NAALADL2: variants seen among roughly 807,000 people sequenced by gnomAD.
NAALADL2 encodes the protein N-acetylated alpha-linked acidic dipeptidase like 2, also known as inactive N-acetylated-alpha-linked acidic dipeptidase-like protein 2.
NAALADL2 carries 76 observed loss-of-function variants against 87.2 expected under a neutral mutation model. The ratio of observed to expected loss-of-function variants is 0.87; its 90% CI spans 0.72 to 1.05. NAALADL2 has a LOEUF of 1.05. Ranked by LOEUF, NAALADL2 falls within the 50% of genes least tolerant of loss-of-function variation. The pLI is 0.00. For synonymous variants in NAALADL2, 354 were observed against 331.0 expected (o/e 1.07, Z -0.75); for missense variants, 1,089 against 945.8 (o/e 1.15, Z -1.99).
intron 10 of NAALADL2, among the ~76,000 whole-genome samples, chr3:175,591,761 G>A (rs555765112): frequency 6.3e-5 from 9 of 141,802 alleles, no homozygotes; most frequent in South Asian, 2.3e-4. Context: ...TTATATATGC[G>A]CATGTGGTGT....
At chr3:174,874,052 G>A (rs1728181635) in intron 1 of NAALADL2, among the ~76,000 whole-genome samples, 2 of 151,966 alleles carry the variant, frequency 1.3e-5, no homozygotes, top group South Asian at 2.1e-4. Context: ...GTTTTTCCTG[G>A]GCTGGCATAA....
intron 1 of NAALADL2, among the ~76,000 whole-genome samples, chr3:174,950,949 C>T (rs1740254512): frequency 6.6e-6 from 1 of 152,012 alleles, no homozygotes; most frequent in Non-Finnish European, 1.5e-5. Flanking sequence ...TTCCTCTCTA[C>T]TTGTCTCTTT....
At chr3:174,623,917 T>G in intron 2 of NAALADL2, among the ~76,000 whole-genome samples, 1 of 149,858 alleles carries the variant, frequency 6.7e-6, no homozygotes, top group Non-Finnish European at 1.5e-5. Context: ...CCATCCAAAG[T>G]TACTTGGAAA....
upstream of NAALADL2, among the ~76,000 whole-genome samples, chr3:174,854,826 C>CTTT (rs1172512711): frequency 7.5e-6 from 1 of 134,164 alleles, no homozygotes; most frequent in African/African-American, 2.8e-5. Flanking sequence ...ATGTGCTTTG[C>CTTT]TTTTTTTTCT....
chr3:174,819,607 G>C (rs1404955181), intron 3 of NAALADL2, among the ~76,000 whole-genome samples: 1 of 152,046 alleles, frequency 6.6e-6, no homozygotes, highest in African/African-American at 2.4e-5. Flanking sequence ...GGAGTTCATA[G>C]CTTTTTGATG....
chr3:175,143,803 G>T (rs1168829403), intron 2 of NAALADL2, among the ~76,000 whole-genome samples: 1 of 151,872 alleles, frequency 6.6e-6, no homozygotes, highest in Non-Finnish European at 1.5e-5. Flanking sequence ...CTGCAGAAAT[G>T]GTTACCTCCT....
At chr3:175,781,811 C>A (rs989194086) in intron 13 of NAALADL2, among the ~76,000 whole-genome samples, 2 of 151,934 alleles carry the variant, frequency 1.3e-5, no homozygotes, top group African/African-American at 4.8e-5. Context: ...GCTGCACCCA[C>A]TAACTCGTCA....
chr3:175,204,420 T>G (rs1461863517), intron 2 of NAALADL2, among the ~76,000 whole-genome samples: 1 of 151,944 alleles, frequency 6.6e-6, no homozygotes, highest in African/African-American at 2.4e-5. Context: ...AACTGCAAAA[T>G]CGGCATGCAG....
At chr3:175,306,993 T>G (rs1407094559) in intron 4 of NAALADL2, among the ~76,000 whole-genome samples, 3 of 152,184 alleles carry the variant, frequency 2.0e-5, no homozygotes, top group African/African-American at 4.8e-5. Context: ...TGAATCCTCA[T>G]GTACAAGAAT....
chr3:174,697,154 GATAGCA>G (rs1353009519), intron 2 of NAALADL2, among the ~76,000 whole-genome samples: 7 of 152,068 alleles, frequency 4.6e-5, no homozygotes, highest in Non-Finnish European at 8.8e-5. Flanking sequence ...GCATCTTGAT[GATAGCA>G]ATGCCATAAT....
At chr3:175,165,521 T>G (rs906894614) in intron 2 of NAALADL2, among the ~76,000 whole-genome samples, 16 of 152,160 alleles carry the variant, frequency 1.1e-4, no homozygotes, top group Non-Finnish European at 2.9e-5. Flanking sequence ...ACACTTACAT[T>G]TGTGTATCAA....
intron 7 of NAALADL2, among the ~76,000 whole-genome samples, chr3:175,463,703 A>G (rs73186749): frequency 1.4e-3 from 39 of 27,074 alleles, no homozygotes; most frequent in East Asian, 5.5e-3. Context: ...TAGTCGGGGG[A>G]GAGAGAGAGA....
At chr3:174,561,232 G>A (rs564162861) in intron 2 of NAALADL2, among the ~76,000 whole-genome samples, 153 of 137,128 alleles carry the variant, frequency 1.1e-3, no homozygotes, top group Non-Finnish European at 1.9e-3. Flanking sequence ...AAAGAGTCTC[G>A]CTCTGTCACC....
chr3:174,863,058 T>C (rs558176610), intron 1 of NAALADL2, among the ~76,000 whole-genome samples: 57 of 152,150 alleles, frequency 3.7e-4, no homozygotes, highest in South Asian at 6.2e-4. Flanking sequence ...TAGGAAAAAA[T>C]AATCTTCAGA....
intron 3 of NAALADL2, among the ~76,000 whole-genome samples, chr3:174,840,681 C>T (rs1160736070): frequency 6.6e-6 from 1 of 152,102 alleles, no homozygotes; most frequent in African/African-American, 2.4e-5. Flanking sequence ...TCTCCCCATT[C>T]AGCCTCTTAT....
At chr3:174,619,980 A>G (rs1298313825) in intron 2 of NAALADL2, among the ~76,000 whole-genome samples, 1 of 151,874 alleles carries the variant, frequency 6.6e-6, no homozygotes, top group African/African-American at 2.4e-5. Flanking sequence ...ATTACTTCCC[A>G]TCTTATGTAT....
intron 11 of NAALADL2, among the ~76,000 whole-genome samples, chr3:175,629,274 A>T (rs911360221): frequency 8.1e-5 from 12 of 148,906 alleles, no homozygotes; most frequent in Admixed American, 5.4e-4. Flanking sequence ...TGGAGATTTT[A>T]TATATAGATG....
intron 9 of NAALADL2, among the ~76,000 whole-genome samples, chr3:175,492,139 T>G (rs735591): frequency 0.89 from 135,078 of 152,144 alleles, 59,992 homozygotes; most frequent in East Asian, 0.98. Context: ...ATGTTCTTTT[T>G]AGTTTTGACA....
chr3:175,558,058 G>A (rs990659733), intron 9 of NAALADL2, among the ~76,000 whole-genome samples: 3 of 151,806 alleles, frequency 2.0e-5, no homozygotes, highest in South Asian at 2.1e-4. Context: ...AGCCGGGCGT[G>A]GTGGCGGGCG....
Sources: allele counts gnomAD v4.1 joint callset (sites outside exome capture counted in the v4.1 genomes callset), GRCh38; gene constraint gnomAD v4.1.1; transcripts MANE v1.5; gene names NCBI Gene and HGNC (gene_info 2026-07-23, HGNC 2026-07-21).